Variants in SNX29 observed in about 807,000 individuals in gnomAD.
The protein encoded by SNX29 is sorting nexin 29, also known as sorting nexin-29.
Under a neutral mutation model 102.1 loss-of-function variants are expected in SNX29, and 78 were observed. That is an observed-to-expected ratio of 0.76 (90% CI 0.64 to 0.92). The LOEUF is 0.92. SNX29 is among the 40% of genes least tolerant of loss of function. The probability of loss-of-function intolerance (pLI) is 0.00; values close to 1 mark genes in which losing one functional copy is unlikely to be tolerated. For missense variants in SNX29, 1,280 were observed against 1,061.7 expected, an observed-to-expected ratio of 1.21 and a Z score of -2.86; for synonymous variants, 580 against 414.5, an observed-to-expected ratio of 1.40 and a Z score of -4.85.
At chr16:12,539,005 G>A (rs867718465) in intron 20 of SNX29, among the ~76,000 whole-genome samples, 35 of 152,236 alleles carry the variant, frequency 2.3e-4, no homozygotes, top group African/African-American at 5.5e-4. Flanking sequence ...CCAGTAATTC[G>A]AGCCAAAACC....
intron 14 of SNX29, among the ~76,000 whole-genome samples, chr16:12,219,896 C>T (rs1030497903): frequency 2.6e-5 from 4 of 152,186 alleles, no homozygotes; most frequent in Non-Finnish European, 5.9e-5. Flanking sequence ...GATCCGGGTA[C>T]CCCTCACTCC....
intron 20 of SNX29, among the ~76,000 whole-genome samples, chr16:12,564,873 C>T (rs1397637515): frequency 6.7e-6 from 1 of 149,068 alleles, no homozygotes; most frequent in Non-Finnish European, 1.5e-5. Flanking sequence ...ATGAGAATTT[C>T]ACTCTGAGGA....
At chr16:12,440,137 C>T (rs2085734047) in intron 18 of SNX29, among the ~76,000 whole-genome samples, 4 of 152,210 alleles carry the variant, frequency 2.6e-5, no homozygotes, top group East Asian at 1.9e-4. Flanking sequence ...GAACACGGCC[C>T]AGAGCAGGAG....
chr16:12,142,277 C>T (rs1213242934), intron 13 of SNX29, among the ~76,000 whole-genome samples: 1 of 152,180 alleles, frequency 6.6e-6, no homozygotes, highest in East Asian at 1.9e-4. Flanking sequence ...AGCTTGCTTC[C>T]CCAAGGTCGC....
intron 19 of SNX29, among the ~76,000 whole-genome samples, chr16:12,483,748 C>T (rs1317968692): frequency 6.6e-6 from 1 of 152,210 alleles, no homozygotes; most frequent in Non-Finnish European, 1.5e-5. Flanking sequence ...GCTCTGGGCT[C>T]TGCTCATCAC....
chr16:11,997,714 A>T (rs1461805129), intron 1 of SNX29, among the ~76,000 whole-genome samples: 2 of 152,080 alleles, frequency 1.3e-5, no homozygotes, highest in African/African-American at 4.8e-5. Context: ...CCTGATGTCA[A>T]GCAATCTTCC....
intron 15 of SNX29, among the ~76,000 whole-genome samples, chr16:12,312,174 G>T (rs971005956): frequency 6.6e-6 from 1 of 152,190 alleles, no homozygotes; most frequent in Non-Finnish European, 1.5e-5. Context: ...AAGGCAAAAA[G>T]GATATTGGGG....
chr16:12,162,469 A>G (rs920637257), intron 13 of SNX29, among the ~76,000 whole-genome samples: 21 of 152,220 alleles, frequency 1.4e-4, no homozygotes, highest in African/African-American at 5.1e-4. Flanking sequence ...CTCTGTCACA[A>G]CTACTGAAGT....
chr16:12,321,839 C>T (rs959735854), intron 15 of SNX29, among the ~76,000 whole-genome samples: 1 of 152,050 alleles, frequency 6.6e-6, no homozygotes, highest in Non-Finnish European at 1.5e-5. Context: ...ATGGGACTTC[C>T]TTGGTGGGGT....
chr16:12,310,381 G>A (rs376470040), intron 15 of SNX29, among the ~76,000 whole-genome samples: 41 of 152,322 alleles, frequency 2.7e-4, no homozygotes, highest in African/African-American at 9.6e-4. Context: ...AATGTTCAGA[G>A]CAACTTTGTG....
chr16:12,437,870 G>T (rs1256022366), intron 18 of SNX29, among the ~76,000 whole-genome samples: 2 of 152,108 alleles, frequency 1.3e-5, no homozygotes, highest in African/African-American at 4.8e-5. Flanking sequence ...CCCAGCCCAG[G>T]GCCACTGCCT....
At chr16:12,378,919 G>T (rs1440890343) in intron 16 of SNX29, among the ~76,000 whole-genome samples, 1 of 152,188 alleles carries the variant, frequency 6.6e-6, no homozygotes, top group African/African-American at 2.4e-5. Context: ...GAAACCCCCA[G>T]ATTCACTCTG....
intron 15 of SNX29, among the ~76,000 whole-genome samples, chr16:12,312,856 A>G (rs209856): frequency 0.61 from 92,167 of 151,880 alleles, 29,199 homozygotes; most frequent in African/African-American, 0.77. Flanking sequence ...ACCATTCTAA[A>G]ACAACCAGTT....
chr16:12,567,621 G>A (rs543326588), intron 20 of SNX29, among the ~76,000 whole-genome samples: 23 of 152,200 alleles, frequency 1.5e-4, no homozygotes, highest in Non-Finnish European at 3.4e-4. Context: ...TTACACTCAG[G>A]TATGGTGGCT....
intron 20 of SNX29, 107 bp downstream of exon 20, chr16:12,524,948 C>T (rs2076738387): frequency 4.1e-6 from 6 of 1,478,652 alleles, no homozygotes; most frequent in African/African-American, 1.4e-5. Flanking sequence ...GCCCTGATCG[C>T]CATGGGACCC....
At chr16:12,537,177 C>T (rs1176759954) in intron 20 of SNX29, among the ~76,000 whole-genome samples, 4 of 152,130 alleles carry the variant, frequency 2.6e-5, no homozygotes, top group Admixed American at 1.3e-4. Flanking sequence ...ATAAAGATGC[C>T]ATCCCCCTGG....
intron 20 of SNX29, chr16:12,556,674 T>TA (rs1356122943): frequency 6.6e-6 from 1 of 152,154 alleles, no homozygotes; most frequent in African/African-American, 2.4e-5. Flanking sequence ...GTGGAAGCAG[T>TA]AGTCATGTGT....
chr16:12,040,883 G>A (rs923155341), intron 4 of SNX29, among the ~76,000 whole-genome samples: 5 of 152,016 alleles, frequency 3.3e-5, no homozygotes, highest in African/African-American at 4.8e-5. Context: ...GCGTGATCTC[G>A]GCTCTCTGCA....
chr16:12,271,635 T>C (rs2079095091), intron 14 of SNX29, among the ~76,000 whole-genome samples: 1 of 152,182 alleles, frequency 6.6e-6, no homozygotes, highest in Middle Eastern at 3.4e-3. Flanking sequence ...TCTTTTTTTT[T>C]TTTTTGAGAC....
Sources: allele counts gnomAD v4.1 joint callset (sites outside exome capture counted in the v4.1 genomes callset), GRCh38; gene constraint gnomAD v4.1.1; transcripts MANE v1.5; gene names NCBI Gene and HGNC (gene_info 2026-07-23, HGNC 2026-07-21).